NAV1: variants seen among roughly 807,000 people sequenced by gnomAD.
NAV1 encodes neuron navigator 1.
Under a neutral mutation model 175.2 loss-of-function variants are expected in NAV1, and 18 were observed. The observed-to-expected ratio is 0.10, with a 90% confidence interval of 0.07 to 0.15. The LOEUF (loss-of-function observed/expected upper bound fraction) is 0.15. NAV1 is among the 10% of genes least tolerant of loss of function. The pLI is 1.00. For synonymous variants in NAV1, 897 were observed against 978.7 expected, an observed-to-expected ratio of 0.92 and a Z score of 1.56; for missense variants, 1,731 against 2,436.6, an observed-to-expected ratio of 0.71 and a Z score of 6.10.
In NAV1 at chr1:201,787,866, C is replaced by T; in HGVS notation, c.2996-602C>T. ...ACTTTCACCTGCTCTGTCCATCTGA[C>T]CTTCAAGCCGGGGCAATGCTAGGCA... On this transcript the variant is annotated intron_variant, in intron 9 of 29. Coordinates refer to ENST00000367296, the Ensembl canonical transcript of NAV1. This position sits in a 1 kb window ranked among gnomAD's most constrained non-coding sequence, Gnocchi z 4.3. 3 of 359,822 alleles carry T rather than the reference C, an allele frequency of 8.3e-6. No individual in the cohort carries two copies. The highest frequency in any genetic ancestry group is 6.4e-5 in the South Asian group (3 of 46,578). 22.3% of individuals were successfully genotyped at this position (359,822 alleles called of 1,614,324 possible). A position where few individuals can be genotyped will look rare whatever the true frequency, so the allele number is the denominator to read the frequency against.
At chr1:201,626,762 G>A (rs975808557) in intron 1 of NAV1, among the ~76,000 whole-genome samples, 40 of 152,186 alleles carry the variant, frequency 2.6e-4, no homozygotes, top group African/African-American at 9.4e-4. Context: ...TTGGAACTAT[G>A]GTTAATGGTA....
At chr1:201,732,510 G>C (rs1672904832) in intron 3 of NAV1, among the ~76,000 whole-genome samples, 1 of 152,038 alleles carries the variant, frequency 6.6e-6, no homozygotes, top group South Asian at 2.1e-4. Context: ...ACAAGTCCTT[G>C]TGGTTAGTTT....
intron 1 of NAV1, among the ~76,000 whole-genome samples, chr1:201,665,346 T>C (rs1251892954): frequency 1.3e-5 from 2 of 152,144 alleles, no homozygotes; most frequent in Non-Finnish European, 2.9e-5. Context: ...GTTCTCATTG[T>C]GCCTCCAACA....
At chr1:201,801,105 G>A (rs887181652) in intron 15 of NAV1, among the ~76,000 whole-genome samples, 6 of 152,138 alleles carry the variant, frequency 3.9e-5, no homozygotes, top group African/African-American at 1.2e-4. Context: ...TGGGATTACA[G>A]GCATGAGCCA....
chr1:201,580,060 G>A (rs1666803682), intron 1 of NAV1, among the ~76,000 whole-genome samples: 1 of 152,224 alleles, frequency 6.6e-6, no homozygotes, highest in Non-Finnish European at 1.5e-5. Flanking sequence ...CAGAGAACCT[G>A]GAGTTCTTGA....
At chr1:201,804,583 A>C (rs1678159985) in intron 17 of NAV1, 86 bp downstream of exon 21, 1 of 872,706 alleles carries the variant, frequency 1.1e-6, no homozygotes, top group Admixed American at 3.6e-5. Context: ...TTCCCCTAAA[A>C]AAAAAAAAAA....
Position 201,817,752 on chromosome 1 carries a change from T to C in NAV1, c.5538+467T>C, listed in dbSNP as rs1679143815. Among the ~76,000 whole-genome samples the C allele has an allele frequency of 3.3e-5, 5 of 152,136 alleles. No homozygotes were observed. The South Asian group carries it at 1.0e-3, about 32-fold the overall frequency. ...GTAGAGCAGTAGGGCACACTAGCAC[T>C]CTCTCTACTTCTGCTTCTCCTCTGA... On this transcript the variant is annotated intron_variant, in intron 29 of 29. Coordinates refer to ENST00000367296, the Ensembl canonical transcript of NAV1.
At chr1:201,602,462 T>C (rs970594401) in intron 2 of NAV1, among the ~76,000 whole-genome samples, 3 of 152,130 alleles carry the variant, frequency 2.0e-5, no homozygotes, top group African/African-American at 7.2e-5. Flanking sequence ...TACCTCACCC[T>C]CCTGAGTAGC....
exon 1 of NAV1, chr1:201,649,386 C>A: frequency 6.3e-7 from 1 of 1,592,830 alleles, no homozygotes. Context: ...GGTGACCGTG[C>A]TGGGAGACCT....
chr1:201,567,140 G>A (rs1400601933), intron 1 of NAV1, among the ~76,000 whole-genome samples: 2 of 151,922 alleles, frequency 1.3e-5, no homozygotes, highest in African/African-American at 2.4e-5. Context: ...GAACTGGGTG[G>A]CGGTTGGAAA....
At chr1:201,799,855 C>T (rs1291407079) in intron 15 of NAV1, among the ~76,000 whole-genome samples, 2 of 137,656 alleles carry the variant, frequency 1.5e-5, no homozygotes, top group Non-Finnish European at 3.1e-5. Context: ...AGTGAAACTT[C>T]ATCTCAAAAA....
At chr1:201,544,630 G>A (rs1665614877) in intron 1 of NAV1, among the ~76,000 whole-genome samples, 1 of 152,162 alleles carries the variant, frequency 6.6e-6, no homozygotes, top group African/African-American at 2.4e-5. Context: ...GTATTAATCT[G>A]TCAGGGATAT....
chr1:201,786,698 T>C (rs923232875), intron 9 of NAV1, 121 bp downstream of exon 13: 52 of 947,590 alleles, frequency 5.5e-5, no homozygotes, highest in Non-Finnish European at 7.7e-6. Flanking sequence ...ATTGGGTTGT[T>C]TCATGGTGCC....
intron 1 of NAV1, chr1:201,673,110 G>A (rs939039116): frequency 6.6e-6 from 1 of 152,256 alleles, no homozygotes; most frequent in African/African-American, 2.4e-5. Context: ...CACTCTTGCT[G>A]TTCTTTAATG....
intron 3 of NAV1, chr1:201,737,201 G>A (rs1342722354): frequency 6.6e-6 from 1 of 152,138 alleles, no homozygotes; most frequent in African/African-American, 2.4e-5. Flanking sequence ...AAAATAGCAG[G>A]TGCTAATTTG....
chr1:201,615,479 G>T (rs1667978261), intron 2 of NAV1, among the ~76,000 whole-genome samples: 1 of 151,982 alleles, frequency 6.6e-6, no homozygotes. Context: ...TGGCTAGGCT[G>T]GTTTTGAACC....
At chr1:201,700,173 A>G (rs1438632489) in intron 1 of NAV1, among the ~76,000 whole-genome samples, 2 of 152,242 alleles carry the variant, frequency 1.3e-5, no homozygotes, top group Non-Finnish European at 2.9e-5. Flanking sequence ...AAAGGGAGAA[A>G]ATTTTTGCAA....
intron 3 of NAV1, among the ~76,000 whole-genome samples, chr1:201,746,432 A>G (rs1673775060): frequency 6.6e-6 from 1 of 152,226 alleles, no homozygotes; most frequent in African/African-American, 2.4e-5. Flanking sequence ...AAGCAAATCC[A>G]CCAGCAAGTA....
chr1:201,812,514 C>T lies in NAV1; in HGVS notation c.5074C>T (p.Arg1692Cys), dbSNP rs2102820080. 6.2e-7 allele frequency: 1 copy of T among 1,614,154 alleles called. No homozygotes were observed. Reference sequence around the variant, plus strand: ...GGAGCCAGCCAATGGCTTCCTGGTTCGTTACCTGAGGAGGAAGCTGGTAGA... The same window carrying T: ...GGAGCCAGCCAATGGCTTCCTGGTTTGTTACCTGAGGAGGAAGCTGGTAGA... Residue 1692 changes from arginine to cysteine, a missense_variant, in exon 27 of 30, where the codon CGT (arginine) becomes TGT (cysteine). This residue lies in a region of NAV1 where 115 missense variants were observed against 269.4 expected (regional missense o/e 0.43). Coordinates refer to ENST00000367296, the Ensembl canonical transcript of NAV1. The surrounding 1 kb of genome is among the most constrained non-coding windows in gnomAD (Gnocchi z 4.6).
Sources: gnomAD v4.1 joint callset for allele counts (sites outside exome capture counted in the v4.1 genomes callset) on GRCh38, gnomAD v4.1.1 for gene constraint, gnomAD v4.1.1 regional missense constraint, Gnocchi (gnomAD v3.1) non-coding constraint, MANE v1.5 for transcripts, NCBI Gene and HGNC (gene_info 2026-07-23, HGNC 2026-07-21) for gene names.